Variants in LRRC41 observed in about 807,000 individuals in gnomAD.
The protein encoded by LRRC41 is leucine rich repeat containing 41.
LRRC41 carries 17 observed loss-of-function variants against 72.1 expected under a neutral mutation model. That is an observed-to-expected ratio of 0.24 (90% confidence interval 0.16 to 0.35). The LOEUF (loss-of-function observed/expected upper bound fraction) is 0.35, where lower values mean the gene tolerates loss of function less well. LRRC41 is among the 10% of genes least tolerant of loss of function. LRRC41 has a pLI of 1.00. For synonymous variants in LRRC41, 427 were observed against 431.0 expected (o/e 0.99, Z 0.11); for missense variants, 759 against 1,065.0 (o/e 0.71, Z 4.00).
chr1:46,282,933 AG>A (rs1660809377), intron 4 of LRRC41, among the ~76,000 whole-genome samples: 1 of 151,636 alleles, frequency 6.6e-6, no homozygotes, highest in African/African-American at 2.4e-5. Context: ...CTGAGTCAGT[AG>A]AATTGCTTGG....
intron 3 of LRRC41, among the ~76,000 whole-genome samples, chr1:46,293,390 C>A (rs1044401273): frequency 6.6e-6 from 1 of 151,900 alleles, no homozygotes; most frequent in Non-Finnish European, 1.5e-5. Flanking sequence ...GAGGCGCACA[C>A]CAGCACCCCC....
In LRRC41 at chr1:46,280,421, A is replaced by C; in HGVS notation, c.1896T>G (p.Phe632Leu). ...CTTTGAGTGTTTGCAAAACAAGCCC[A>C]AAATCCTGGGGAGAGGCAAAGGTGG... is the stretch of plus-strand genomic sequence containing the variant. Reference protein sequence around the residue: ...DSATFASPQDFGLVLQTLKEY... With the variant: ...DSATFASPQDLGLVLQTLKEY... The change falls in exon 6 of 10, where the codon TTT (phenylalanine) becomes TTG (leucine). Residue 632 changes from phenylalanine to leucine, a missense_variant. Around this residue, in one of 4 missense-constraint regions of LRRC41, gnomAD observed 427 missense variants for 520.9 expected, o/e 0.82. Transcript: ENST00000617190. The C allele has an allele frequency of 6.2e-7, 1 of 1,614,210 alleles. No homozygotes were observed. Among genetic ancestry groups the C allele is most frequent in the South Asian group, 1.1e-5 (1 of 91,084 alleles).
At chr1:46,294,903 G>A (rs1661092983) in intron 3 of LRRC41, among the ~76,000 whole-genome samples, 1 of 151,704 alleles carries the variant, frequency 6.6e-6, no homozygotes, top group Admixed American at 6.6e-5. Flanking sequence ...ACAATTTATT[G>A]TTTATACAAA....
chr1:46,303,118 A>G lies in LRRC41; in HGVS notation c.199+6T>C. ...GCCAGAGGTAGCCCCTCACCCCGCG[A>G]CTTACCCCACACCCCGCTCTCCAGA... On this transcript the variant is annotated splice_donor_region_variant and intron_variant, in intron 1 of 9. Transcript: ENST00000617190. 1 of 1,352,012 alleles carries G rather than the reference A, an allele frequency of 7.4e-7. No individual in the cohort carries two copies. The highest frequency in any genetic ancestry group is 1.6e-5 in the South Asian group (1 of 60,742). The allele number at this position is 1,352,012 out of a possible 1,614,324, so 83.8% of individuals were successfully genotyped here.
intron 3 of LRRC41, among the ~76,000 whole-genome samples, chr1:46,295,818 A>C (rs949331750): frequency 1.3e-5 from 2 of 152,226 alleles, no homozygotes; most frequent in East Asian, 1.9e-4. Flanking sequence ...TCTCTTCCTC[A>C]TAAGGTCTGT....
Position 46,285,921 on chromosome 1 carries a change from C to G in LRRC41, c.936G>C (p.Gln312His). 6.5e-7 allele frequency: 1 copy of G among 1,538,370 alleles called. No individual in the cohort carries two copies. Among genetic ancestry groups the G allele is most frequent in the Non-Finnish European group, 8.7e-7 (1 of 1,144,908 alleles). ...MASRRKSEAK[Q>H]MPRAAPATRV... The stretch of plus-strand genomic sequence containing the variant: ...GAGTGGCAGGTGCAGCTCTGGGCAT[C>G]TGCTTGGCTTCACTCTTACGCCGGC... Residue 312 changes from glutamine to histidine, a missense_variant, in exon 4 of 10, where the codon CAG becomes CAC. Physicochemically the swap from Gln to His is conservative, Grantham distance 24. Transcript: ENST00000617190. The surrounding 1 kb of genome is among the most constrained non-coding windows in gnomAD (Gnocchi z 5.3).
At chr1:46,280,980 A>T in intron 5 of LRRC41, 145 bp downstream of exon 5, 1 of 1,115,148 alleles carries the variant, frequency 9.0e-7, no homozygotes, top group Non-Finnish European at 1.3e-6. Context: ...TCTTAGTGGT[A>T]GGCTCTAAAG....
chr1:46,293,246 TTTAG>T (rs138560962), intron 3 of LRRC41, among the ~76,000 whole-genome samples: 2,201 of 151,568 alleles, frequency 0.015, 41 homozygotes, highest in African/African-American at 0.049. Context: ...TTATTATTTC[TTTAG>T]TTGTTTTGTG....
rs1660650881 is a variant in LRRC41, at chr1:46,277,624, A to G, written c.*1241T>C. On this transcript the variant is annotated 3_prime_UTR_variant, in exon 10 of 10. Transcript: ENST00000617190. ...AGTAGCCTGGGTGGGCAGACTATTC[A>G]TGTCATGTTCTCAGGAGACAGACTG... The G allele has an allele frequency of 3.3e-5, 22 of 667,150 alleles. 1 individual carries two copies. The South Asian group carries it at 3.9e-4, about 12-fold the overall frequency. 41.3% of individuals were successfully genotyped at this position (667,150 alleles called of 1,614,324 possible). A position where few individuals can be genotyped will look rare whatever the true frequency, so the allele number is the denominator to read the frequency against.
intron 5 of LRRC41, 152 bp from the exon 6 acceptor site, chr1:46,280,712 T>G (rs1041465061): frequency 1.1e-5 from 9 of 789,158 alleles, no homozygotes; most frequent in Middle Eastern, 7.5e-4. Flanking sequence ...TGTGCTAGAT[T>G]CTAGGAATTG....
At position 46,303,217 on chromosome 1, in the gene LRRC41, A is replaced by C; in HGVS notation, c.106T>G (p.Ser36Ala). The change falls in exon 1 of 10, where the codon TCG (serine) becomes GCG (alanine). Residue 36 changes from serine to alanine, a missense_variant. Ser to Ala is a moderately conservative substitution (Grantham distance 99, BLOSUM62 1). Coordinates refer to ENST00000617190, the MANE Select transcript of LRRC41 (RefSeq NM_006369.5). ...TSREAAPAKSSASGPNAPPAL... is the reference protein window; with the variant it reads ...TSREAAPAKSAASGPNAPPAL... Reference sequence around the variant, plus strand: ...GGGGGAGCGTTGGGGCCCGAGGCCGAGCTCTTCGCTGGCGCCGCCTCCCGG... The same window carrying C: ...GGGGGAGCGTTGGGGCCCGAGGCCGCGCTCTTCGCTGGCGCCGCCTCCCGG... 1 of 1,565,402 alleles carries C rather than the reference A, an allele frequency of 6.4e-7. No homozygotes were observed. The highest frequency in any genetic ancestry group is 1.8e-5 in the Admixed American group (1 of 54,568).
chr1:46,303,520 T>C lies in LRRC41; in HGVS notation c.-198A>G, dbSNP rs1661295156. Reference sequence around the variant, plus strand: ...CTCCTAGATCAATTATACTTGGGTGTGGTATGACTAAGGGGATGTTTCTTA... The same window carrying C: ...CTCCTAGATCAATTATACTTGGGTGCGGTATGACTAAGGGGATGTTTCTTA... On this transcript the variant is annotated 5_prime_UTR_variant, in exon 1 of 10. Coordinates refer to ENST00000617190, the MANE Select transcript of LRRC41 (RefSeq NM_006369.5). The C allele has an allele frequency of 1.4e-6, 1 of 734,398 alleles. No individual in the cohort carries two copies. The highest frequency in any genetic ancestry group is 2.7e-5 in the East Asian group (1 of 36,794). The allele number at this position is 734,398 out of a possible 1,614,324, so 45.5% of individuals were successfully genotyped here.
chr1:46,297,705 T>C, intron 2 of LRRC41, 72 bp from the exon 3 acceptor site: 2 of 1,119,176 alleles, frequency 1.8e-6, no homozygotes, highest in Non-Finnish European at 2.7e-6. Flanking sequence ...TTTCATGTTG[T>C]CTTCTGGGTT....
Position 46,302,087 on chromosome 1 carries a change from C to T in LRRC41, c.199+1037G>A, listed in dbSNP as rs1415339745. 2.0e-6 allele frequency: 2 copies of T among 985,328 alleles called. No individual in the cohort carries two copies. The highest frequency in any genetic ancestry group is 9.4e-5 in the South Asian group (2 of 21,282). The allele number at this position is 985,328 out of a possible 1,614,324, so 61.0% of individuals were successfully genotyped here. A position where few individuals can be genotyped will look rare whatever the true frequency, so the allele number is the denominator to read the frequency against. Reference sequence around the variant, plus strand: ...CAGCCCCGCCTCCCAGCCCAACTGGCCGGTTCGCCCTCCCCGGCCGTTCAT... The same window carrying T: ...CAGCCCCGCCTCCCAGCCCAACTGGTCGGTTCGCCCTCCCCGGCCGTTCAT... On this transcript the variant is annotated intron_variant, in intron 1 of 9. Transcript: ENST00000617190. This position sits in a 1 kb window ranked among gnomAD's most constrained non-coding sequence, Gnocchi z 4.7.
At position 46,286,526 on chromosome 1, in the gene LRRC41, G is replaced by A; in HGVS notation, c.358-27C>T. ...TGAAACGCAGAAAACATGCCAGACAGCCATGATATATCCATGAAACTGTCC... is the reference window on the plus strand; with the variant it reads ...TGAAACGCAGAAAACATGCCAGACAACCATGATATATCCATGAAACTGTCC... On this transcript the variant is annotated intron_variant, in intron 3 of 9. Transcript: ENST00000617190. The surrounding 1 kb of genome is among the most constrained non-coding windows in gnomAD (Gnocchi z 5.5). 6.4e-7 allele frequency: 1 copy of A among 1,560,918 alleles called. No individual in the cohort carries two copies. The highest frequency in any genetic ancestry group is 8.7e-7 in the Non-Finnish European group (1 of 1,153,028).
chr1:46,292,903 C>T (rs1039328267), intron 3 of LRRC41, among the ~76,000 whole-genome samples: 3 of 152,034 alleles, frequency 2.0e-5, no homozygotes, highest in Non-Finnish European at 2.9e-5. Context: ...TTAGCACTCT[C>T]GGCTGGGCAC....
chr1:46,285,542 C>A lies in LRRC41; in HGVS notation c.1315G>T (p.Ala439Ser). The A allele has an allele frequency of 1.9e-6, 3 of 1,613,604 alleles. No homozygotes were observed. The highest frequency in any genetic ancestry group is 2.5e-6 in the Non-Finnish European group (3 of 1,179,742). Reference sequence around the variant, plus strand: ...CAGCTGGGATCTGATCCATCCAAAGCTCCACAAGCCACTTCCCCAATCTCC... The same window carrying A: ...CAGCTGGGATCTGATCCATCCAAAGATCCACAAGCCACTTCCCCAATCTCC... ...EMEIGEVACG[A>S]LDGSDPSCLG... The change falls in exon 4 of 10, where the codon GCT (alanine) becomes TCT (serine). Residue 439 changes from alanine to serine, a missense_variant. Around this residue, in one of 4 missense-constraint regions of LRRC41, gnomAD observed 427 missense variants for 520.9 expected, o/e 0.82. Transcript: ENST00000617190. The surrounding 1 kb of genome is among the most constrained non-coding windows in gnomAD (Gnocchi z 5.3).
At chr1:46,298,197 C>T in intron 2 of LRRC41, 87 bp downstream of exon 2, 1 of 931,084 alleles carries the variant, frequency 1.1e-6, no homozygotes, top group South Asian at 1.5e-5. Flanking sequence ...GAAGTTCTAG[C>T]AGGTATCAGG....
chr1:46,297,552 CCTTAA>C lies in LRRC41; in HGVS notation c.357+6_357+10del, dbSNP rs762006057. 6 of 1,612,568 alleles carry C rather than the reference CCTTAA, an allele frequency of 3.7e-6. No homozygotes were observed. The highest frequency in any genetic ancestry group is 5.1e-6 in the Non-Finnish European group (6 of 1,178,628). Reference sequence around the variant, plus strand: ...AATCAGGCTAGCATTCTACCTGATACCTTAACTTACTTCCAAACTGGAAGGCCTTG... The same window carrying C: ...AATCAGGCTAGCATTCTACCTGATACCTTACTTCCAAACTGGAAGGCCTTG... On this transcript the variant is annotated splice_donor_region_variant and intron_variant, in intron 3 of 9. Transcript: ENST00000617190.
Sources: gnomAD v4.1 joint callset for allele counts (sites outside exome capture counted in the v4.1 genomes callset) on GRCh38, gnomAD v4.1.1 for gene constraint, gnomAD v4.1.1 regional missense constraint, Gnocchi (gnomAD v3.1) non-coding constraint, MANE v1.5 for transcripts, NCBI Gene and HGNC (gene_info 2026-07-23, HGNC 2026-07-21) for gene names.